Variants in FOXJ3 observed in about 807,000 individuals in gnomAD.
The protein encoded by FOXJ3 is forkhead box J3, also known as forkhead box protein J3.
In FOXJ3, 22 loss-of-function variants were observed where a neutral mutation model predicts 76.1. The observed-to-expected ratio is 0.29, with a 90% confidence interval of 0.21 to 0.41. The LOEUF is 0.41. Among genes scored for constraint, FOXJ3 ranks in the 10% least tolerant of loss-of-function variants. The pLI, the probability that FOXJ3 is intolerant of heterozygous loss-of-function variation, is 1.00. For missense variants in FOXJ3, 613 were observed against 762.1 expected (o/e 0.80, Z 2.30); for synonymous variants, 269 against 261.2 (o/e 1.03, Z -0.29).
intron 2 of FOXJ3, among the ~76,000 whole-genome samples, chr1:42,297,181 TC>T (rs1457823108): frequency 6.6e-6 from 1 of 152,220 alleles, no homozygotes; most frequent in African/African-American, 2.4e-5. Flanking sequence ...TTCAACGAAG[TC>T]TAGGAGTCTT....
At position 42,205,837 on chromosome 1, in the gene FOXJ3, T is replaced by G; in HGVS notation, c.555A>C (p.Ser185=). The G allele has an allele frequency of 6.2e-7, 1 of 1,610,682 alleles. No individual in the cohort carries two copies. The highest frequency in any genetic ancestry group is 1.1e-5 in the South Asian group (1 of 90,960). Residue 185 remains serine, a synonymous_variant, in exon 6 of 13, where the codon TCA becomes TCC. Coordinates refer to ENST00000361346, the MANE Select transcript of FOXJ3 (RefSeq NM_014947.5). ...TAATACACTCCATTCCCAAAGAATC[T>G]GAATCTATGCTATATGGAGTTGAGG... ...ERASTPYSID[S]DSLGMECIIS...
chr1:42,241,525 C>A (rs960651221), intron 4 of FOXJ3, among the ~76,000 whole-genome samples: 1 of 152,204 alleles, frequency 6.6e-6, no homozygotes, highest in African/African-American at 2.4e-5. Flanking sequence ...ATTGCCCCAC[C>A]CACCATGGCT....
chr1:42,291,868 T>C (rs1653458767), intron 2 of FOXJ3, among the ~76,000 whole-genome samples: 3 of 152,114 alleles, frequency 2.0e-5, no homozygotes, highest in African/African-American at 7.2e-5. Flanking sequence ...AACCCATTTT[T>C]TTAAAGGGCG....
At chr1:42,295,337 C>T (rs1000378369) in intron 2 of FOXJ3, among the ~76,000 whole-genome samples, 19 of 152,080 alleles carry the variant, frequency 1.2e-4, no homozygotes, top group Admixed American at 1.1e-3. Context: ...TGAGTTATTT[C>T]ACTTAGGATA....
intron 2 of FOXJ3, among the ~76,000 whole-genome samples, chr1:42,298,781 G>A (rs1449203485): frequency 2.0e-5 from 3 of 152,058 alleles, no homozygotes; most frequent in East Asian, 1.9e-4. Context: ...GGCATTTAAC[G>A]CTATAAACTT....
At chr1:42,210,192 A>G (rs1646939782) in intron 5 of FOXJ3, among the ~76,000 whole-genome samples, 1 of 152,090 alleles carries the variant, frequency 6.6e-6, no homozygotes, top group Admixed American at 6.5e-5. Context: ...ACCCTGTAAC[A>G]CTATCCCAAC....
chr1:42,288,887 C>T (rs1653235889), intron 2 of FOXJ3, among the ~76,000 whole-genome samples: 1 of 152,120 alleles, frequency 6.6e-6, no homozygotes, highest in Non-Finnish European at 1.5e-5. Context: ...TTGGAACATA[C>T]AGTTACTTTA....
rs551527419 is a variant in FOXJ3 at position 42,187,095 on chromosome 1, G to A, written c.1645+1642C>T. ...ACTCTTGACTTCAGGTGATCAGCCC[G>A]CCTCGGCCTCCCAAAGTGCTGGGAT... On this transcript the variant is annotated intron_variant, in intron 11 of 12. Transcript: ENST00000361346. Among the ~76,000 whole-genome samples, 7 of 151,492 alleles carry A rather than the reference G, an allele frequency of 4.6e-5. No individual in the cohort carries two copies. The East Asian group carries it at 1.2e-3, about 25-fold the overall frequency.
intron 1 of FOXJ3, among the ~76,000 whole-genome samples, chr1:42,314,931 T>TA (rs1655018225): frequency 6.6e-6 from 1 of 152,190 alleles, no homozygotes; most frequent in Admixed American, 6.5e-5. Context: ...GTTTGTCAAC[T>TA]AATGAACAGA....
At chr1:42,299,147 C>T (rs543702994) in intron 2 of FOXJ3, among the ~76,000 whole-genome samples, 2 of 152,258 alleles carry the variant, frequency 1.3e-5, no homozygotes, top group Non-Finnish European at 2.9e-5. Flanking sequence ...ATCTGGTCTA[C>T]AGTTTAGGTC....
At chr1:42,227,060 G>A (rs1647629605) in intron 5 of FOXJ3, among the ~76,000 whole-genome samples, 1 of 152,206 alleles carries the variant, frequency 6.6e-6, no homozygotes, top group Admixed American at 6.5e-5. Flanking sequence ...CTGCCCTTAA[G>A]GGGCACATAT....
chr1:42,220,344 T>G (rs1180521788), intron 5 of FOXJ3, among the ~76,000 whole-genome samples: 1 of 152,090 alleles, frequency 6.6e-6, no homozygotes, highest in East Asian at 1.9e-4. Flanking sequence ...ACAAAGTATG[T>G]TTTTAAAGGA....
intron 4 of FOXJ3, among the ~76,000 whole-genome samples, chr1:42,242,019 C>G (rs1649184034): frequency 6.6e-6 from 1 of 152,058 alleles, no homozygotes; most frequent in African/African-American, 2.4e-5. Context: ...CCATTTACAA[C>G]TGAAGAAATC....
chr1:42,222,786 G>C (rs1015336273), intron 5 of FOXJ3, among the ~76,000 whole-genome samples: 1 of 152,116 alleles, frequency 6.6e-6, no homozygotes, highest in African/African-American at 2.4e-5. Flanking sequence ...ACAGGAAGTA[G>C]GTTTTGTGTT....
chr1:42,212,910 C>CT (rs1646990777), intron 5 of FOXJ3, among the ~76,000 whole-genome samples: 1 of 131,692 alleles, frequency 7.6e-6, no homozygotes, highest in Admixed American at 9.2e-5. Flanking sequence ...GCGGTCCTAC[C>CT]TTTACTCCTT....
chr1:42,192,734 A>G (rs1646574718), intron 8 of FOXJ3, among the ~76,000 whole-genome samples: 1 of 152,214 alleles, frequency 6.6e-6, no homozygotes, highest in East Asian at 1.9e-4. Context: ...TGTTATGCTG[A>G]ACCAAACATA....
chr1:42,242,566 CAAAAAAAAA>C (rs67533279), intron 4 of FOXJ3, among the ~76,000 whole-genome samples: 2 of 139,762 alleles, frequency 1.4e-5, no homozygotes, highest in African/African-American at 5.3e-5. Context: ...TCAATAAGAC[CAAAAAAAAA>C]AAAAAAAGAA....
chr1:42,265,754 T>C (rs1256591180), intron 3 of FOXJ3, among the ~76,000 whole-genome samples: 2 of 152,110 alleles, frequency 1.3e-5, no homozygotes, highest in Non-Finnish European at 2.9e-5. Context: ...AAAAAACATA[T>C]AGAACCCTAT....
At chr1:42,196,509 A>G (rs1052987311) in intron 7 of FOXJ3, among the ~76,000 whole-genome samples, 3 of 152,176 alleles carry the variant, frequency 2.0e-5, no homozygotes, top group African/African-American at 4.8e-5. Context: ...CCTGGCCAAC[A>G]TGGTGAAACC....
Sources: allele counts gnomAD v4.1 joint callset (sites outside exome capture counted in the v4.1 genomes callset), GRCh38; gene constraint gnomAD v4.1.1; transcripts MANE v1.5; gene names NCBI Gene and HGNC (gene_info 2026-07-23, HGNC 2026-07-21).